Variants in HDAC9 observed in about 807,000 individuals in gnomAD.
The protein encoded by HDAC9 is histone deacetylase 9, also known as MEF-2 interacting transcription repressor (MITR) protein.
Under a neutral mutation model 139.4 loss-of-function variants are expected in HDAC9, and 41 were observed. The ratio of observed to expected loss-of-function variants is 0.29; its 90% CI spans 0.23 to 0.38. HDAC9 has a LOEUF of 0.38. Ranked by LOEUF, HDAC9 falls within the 10% of genes least tolerant of loss-of-function variation. The pLI is 1.00. For synonymous variants in HDAC9, 517 were observed against 476.2 expected, an observed-to-expected ratio of 1.09 and a Z score of -1.12; for missense variants, 1,147 against 1,297.0, an observed-to-expected ratio of 0.88 and a Z score of 1.78.
intron 2 of HDAC9, among the ~76,000 whole-genome samples, chr7:18,261,081 T>C (rs1483430411): frequency 1.3e-5 from 2 of 151,966 alleles, no homozygotes. Flanking sequence ...GGCAGGGAGA[T>C]TGCTTGAGCC....
chr7:18,899,888 CA>C (rs1177595972), intron 22 of HDAC9, among the ~76,000 whole-genome samples: 1 of 151,942 alleles, frequency 6.6e-6, no homozygotes, highest in Non-Finnish European at 1.5e-5. Context: ...CAGAAAAATT[CA>C]AATTTCTATT....
chr7:18,217,032 TC>T (rs1792367609), intron 2 of HDAC9, among the ~76,000 whole-genome samples: 1 of 152,136 alleles, frequency 6.6e-6, no homozygotes, highest in Non-Finnish European at 1.5e-5. Context: ...TCCATATTTT[TC>T]CATTCCTTCA....
exon 1 of HDAC9, chr7:18,086,997 T>G (rs1360475364): frequency 6.6e-6 from 1 of 150,580 alleles, no homozygotes; most frequent in Non-Finnish European, 1.5e-5. Context: ...CTCGCCGCTT[T>G]CGCCGCGGTC....
chr7:18,161,417 A>C (rs1175535954), intron 1 of HDAC9, among the ~76,000 whole-genome samples: 3 of 152,228 alleles, frequency 2.0e-5, no homozygotes, highest in Non-Finnish European at 4.4e-5. Flanking sequence ...GAGTTACAAC[A>C]TCTGTCTATA....
chr7:18,977,245 G>A (rs531132767), intron 25 of HDAC9, among the ~76,000 whole-genome samples: 29 of 152,202 alleles, frequency 1.9e-4, no homozygotes, highest in African/African-American at 6.7e-4. Context: ...ACTGAACCAA[G>A]TTCATAATCC....
intron 2 of HDAC9, among the ~76,000 whole-genome samples, chr7:18,202,296 T>TCAGTGG (rs1791190285): frequency 6.6e-6 from 1 of 152,192 alleles, no homozygotes; most frequent in Non-Finnish European, 1.5e-5. Flanking sequence ...CCAATGTTTA[T>TCAGTGG]CTCTTTTTTT....
At chr7:18,725,207 A>T (rs1160603262) in intron 12 of HDAC9, among the ~76,000 whole-genome samples, 2 of 152,182 alleles carry the variant, frequency 1.3e-5, no homozygotes, top group African/African-American at 2.4e-5. Flanking sequence ...GAATCTAATC[A>T]TATGAATATA....
intron 2 of HDAC9, among the ~76,000 whole-genome samples, chr7:18,268,582 A>G (rs1434251149): frequency 6.6e-6 from 1 of 152,170 alleles, no homozygotes; most frequent in Non-Finnish European, 1.5e-5. Context: ...AAGTTTAAAG[A>G]GAAAAAGAAA....
At chr7:18,130,102 A>C (rs1784910057) in intron 1 of HDAC9, among the ~76,000 whole-genome samples, 1 of 152,158 alleles carries the variant, frequency 6.6e-6, no homozygotes, top group Non-Finnish European at 1.5e-5. Flanking sequence ...AATTCTTGGA[A>C]CCAAAATCCT....
intron 1 of HDAC9, among the ~76,000 whole-genome samples, chr7:18,406,242 C>G (rs2128739635): frequency 6.6e-6 from 1 of 152,134 alleles, no homozygotes; most frequent in South Asian, 2.1e-4. Context: ...AAACATTGTC[C>G]TACTTTCTCA....
chr7:18,400,633 AC>A (rs1440239537), intron 1 of HDAC9, among the ~76,000 whole-genome samples: 1 of 152,210 alleles, frequency 6.6e-6, no homozygotes, highest in East Asian at 1.9e-4. Context: ...GAAAAGTGGC[AC>A]TTAGAAAAGT....
At chr7:18,852,613 C>G (rs1187471585) in intron 21 of HDAC9, among the ~76,000 whole-genome samples, 1 of 152,082 alleles carries the variant, frequency 6.6e-6, no homozygotes, top group Admixed American at 6.5e-5. Flanking sequence ...ACATATAGTC[C>G]TAACACCTTG....
chr7:18,983,173 A>C lies in HDAC9; in HGVS notation c.3170+7220A>C, dbSNP rs140286330. ...CTGTTTCAGAGTTTGACTACTTTAGATACTTCATATAATTGGAACCATGCA... is the reference window on the plus strand; with the variant it reads ...CTGTTTCAGAGTTTGACTACTTTAGCTACTTCATATAATTGGAACCATGCA... On this transcript the variant is annotated intron_variant, in intron 25 of 25. Transcript: ENST00000686413. Among the ~76,000 whole-genome samples the C allele has an allele frequency of 4.2e-3, 639 of 152,282 alleles. 9 individuals are homozygous for C. The highest frequency in any genetic ancestry group is 0.015 in the African/African-American group (610 of 41,554).
intron 22 of HDAC9, among the ~76,000 whole-genome samples, chr7:18,884,732 G>A (rs1213310196): frequency 6.6e-6 from 1 of 152,154 alleles, no homozygotes; most frequent in Non-Finnish European, 1.5e-5. Flanking sequence ...TGGGGCTTCT[G>A]TTTCTTCTTT....
At chr7:18,433,545 A>G (rs1228421026) in intron 1 of HDAC9, among the ~76,000 whole-genome samples, 1 of 152,180 alleles carries the variant, frequency 6.6e-6, no homozygotes, top group Non-Finnish European at 1.5e-5. Flanking sequence ...AAGCTCCTAG[A>G]TCTGATAAAC....
At chr7:18,661,783 C>G (rs1413925629) in intron 11 of HDAC9, among the ~76,000 whole-genome samples, 7 of 151,952 alleles carry the variant, frequency 4.6e-5, no homozygotes, top group African/African-American at 1.7e-4. Flanking sequence ...TTTTTTCTTC[C>G]CCATGTTTCC....
At chr7:18,094,089 T>C (rs1782341769) in intron 1 of HDAC9, among the ~76,000 whole-genome samples, 1 of 151,904 alleles carries the variant, frequency 6.6e-6, no homozygotes, top group Non-Finnish European at 1.5e-5. Context: ...CAAGGAAGAG[T>C]ATGATTGGAT....
At position 18,998,759 on chromosome 7, in the gene HDAC9, C is replaced by T. The variant is rs981906784; in HGVS notation, c.*2697C>T. The T allele has an allele frequency of 1.1e-4, 16 of 152,172 alleles. No individual in the cohort carries two copies. The highest frequency in any genetic ancestry group is 1.5e-4 in the Non-Finnish European group (10 of 68,034). 9.4% of individuals were successfully genotyped at this position (152,172 alleles called of 1,614,324 possible). On this transcript the variant is annotated 3_prime_UTR_variant, in exon 26 of 26. Transcript: ENST00000686413. ...ATTTTGCATCTCCTTGTGATACTTA[C>T]TTTGAAGGAAAATCACATACGCTCT...
intron 1 of HDAC9, among the ~76,000 whole-genome samples, chr7:18,325,118 G>A (rs1202466402): frequency 6.6e-6 from 1 of 152,054 alleles, no homozygotes; most frequent in East Asian, 1.9e-4. Context: ...AAAGGCACAA[G>A]AAGTACTAGA....
Sources: allele counts gnomAD v4.1 joint callset (sites outside exome capture counted in the v4.1 genomes callset), GRCh38; gene constraint gnomAD v4.1.1; transcripts MANE v1.5; gene names NCBI Gene and HGNC (gene_info 2026-07-23, HGNC 2026-07-21).